CDH11: variants seen among roughly 807,000 people sequenced by gnomAD.
The protein encoded by CDH11 is cadherin-11.
Under a neutral mutation model 67.8 loss-of-function variants are expected in CDH11, and 11 were observed. That is an observed-to-expected ratio of 0.16 (90% CI 0.10 to 0.27). The LOEUF (loss-of-function observed/expected upper bound fraction) is 0.27, where lower values mean the gene tolerates loss of function less well. Ranked by LOEUF, CDH11 falls within the 10% of genes least tolerant of loss-of-function variation. The probability of loss-of-function intolerance (pLI) is 1.00; values close to 1 mark genes in which losing one functional copy is unlikely to be tolerated. For synonymous variants in CDH11, 419 were observed against 400.0 expected (o/e 1.05, Z -0.57); for missense variants, 847 against 1,031.2 (o/e 0.82, Z 2.45).
At chr16:65,054,193 A>G (rs1443522412) in intron 1 of CDH11, among the ~76,000 whole-genome samples, 2 of 152,184 alleles carry the variant, frequency 1.3e-5, no homozygotes, top group African/African-American at 4.8e-5. Context: ...CCTACACACA[A>G]CTTCTTATAA....
intron 11 of CDH11, among the ~76,000 whole-genome samples, chr16:64,952,681 C>T (rs887995357): frequency 7.2e-6 from 1 of 138,780 alleles, no homozygotes; most frequent in Non-Finnish European, 1.7e-5. Flanking sequence ...CATACACACA[C>T]ACACTCACAC....
chr16:65,092,880 A>T (rs1398698548), intron 1 of CDH11, among the ~76,000 whole-genome samples: 1 of 151,578 alleles, frequency 6.6e-6, no homozygotes, highest in East Asian at 1.9e-4. Context: ...TAGTGATGTG[A>T]TGTACTTTTT....
Position 64,991,965 on chromosome 16 carries a change from T to A in CDH11, c.644-30A>T, listed in dbSNP as rs764248850. The A allele has an allele frequency of 5.3e-6, 8 of 1,514,438 alleles. No individual in the cohort carries two copies. In the South Asian group the frequency reaches 9.8e-5, roughly 18 times the overall value. The allele number at this position is 1,514,438 out of a possible 1,614,324, so 93.8% of individuals were successfully genotyped here. ...ACAGGTAAGCAGGCAACATCACAGA[T>A]ATTCGTTTATAACATTATGACAACA... On this transcript the variant is annotated intron_variant, in intron 5 of 12. Coordinates refer to ENST00000268603, the MANE Select transcript of CDH11 (RefSeq NM_001797.4).
At chr16:65,109,147 G>A (rs868526346) in intron 1 of CDH11, among the ~76,000 whole-genome samples, 7 of 149,964 alleles carry the variant, frequency 4.7e-5, no homozygotes, top group South Asian at 2.1e-4. Flanking sequence ...ACTCTGTTTC[G>A]AAAAAAAAAG....
At chr16:65,008,553 C>A (rs1027380718) in intron 2 of CDH11, among the ~76,000 whole-genome samples, 1 of 152,122 alleles carries the variant, frequency 6.6e-6, no homozygotes, top group Non-Finnish European at 1.5e-5. Context: ...TCTATAACAA[C>A]CTTATGAATA....
chr16:64,988,196 C>T lies in CDH11; in HGVS notation c.960G>A (p.Thr320=), dbSNP rs202231319. Residue 320 remains threonine (T), a synonymous_variant, in exon 7 of 13, where the codon ACG becomes ACA. Coordinates refer to ENST00000268603, the MANE Select transcript of CDH11 (RefSeq NM_001797.4). ...GDGMESFEIT[T]DYETQEGVIK... is the part of the protein sequence containing the mutation. ...TCACCCCCTCCTGTGTTTCATAGTCCGTTGTGATTTCAAACGATTCCATAC... is the reference window on the plus strand; with the variant it reads ...TCACCCCCTCCTGTGTTTCATAGTCTGTTGTGATTTCAAACGATTCCATAC... 6.3e-5 allele frequency: 101 copies of T among 1,612,568 alleles called. No individual in the cohort carries two copies. Among genetic ancestry groups the T allele is most frequent in the East Asian group, 3.3e-4 (15 of 44,828 alleles).
intron 11 of CDH11, among the ~76,000 whole-genome samples, chr16:64,965,846 AG>A (rs1275012888): frequency 6.6e-6 from 1 of 151,766 alleles, no homozygotes; most frequent in Non-Finnish European, 1.5e-5. Context: ...AATAAGTGAC[AG>A]CAATGATATA....
chr16:64,997,125 C>T (rs551102389), intron 4 of CDH11, among the ~76,000 whole-genome samples: 14 of 151,768 alleles, frequency 9.2e-5, no homozygotes, highest in African/African-American at 3.1e-4. Context: ...ATGTGAAACC[C>T]CGTCCGTAAT....
intron 1 of CDH11, among the ~76,000 whole-genome samples, chr16:65,078,639 A>AT (rs1251657298): frequency 6.6e-6 from 1 of 152,134 alleles, no homozygotes; most frequent in Non-Finnish European, 1.5e-5. Flanking sequence ...TCTAATAGAC[A>AT]TTTTTTTGAT....
intron 4 of CDH11, among the ~76,000 whole-genome samples, chr16:64,993,637 A>G (rs978988877): frequency 6.6e-6 from 1 of 152,218 alleles, no homozygotes; most frequent in African/African-American, 2.4e-5. Context: ...GCCATATAAC[A>G]GAAATCACCA....
At chr16:65,027,673 T>C (rs2073561446) in intron 2 of CDH11, among the ~76,000 whole-genome samples, 1 of 152,224 alleles carries the variant, frequency 6.6e-6, no homozygotes, top group East Asian at 1.9e-4. Flanking sequence ...CCCTTGTATC[T>C]CCAGGATGGC....
chr16:65,004,576 T>G (rs1446648039), intron 3 of CDH11, 66 bp downstream of exon 3: 1 of 1,507,130 alleles, frequency 6.6e-7, no homozygotes, highest in Non-Finnish European at 8.9e-7. Context: ...TTTGCTTCTT[T>G]CTGGCCACAG....
rs142955955 is a variant in CDH11, at chr16:64,977,285, C to G, written c.1254-4245G>C. On this transcript the variant is annotated intron_variant, in intron 8 of 12. Coordinates refer to ENST00000268603, the MANE Select transcript of CDH11 (RefSeq NM_001797.4). ...AAAGACCCAAGTAGGTGGGAGTGGG[C>G]GGTTGGTTCAAGTGTGGTATTGAGC... Among the ~76,000 whole-genome samples the G allele has an allele frequency of 2.2e-3, 342 of 152,214 alleles. 3 individuals carry two copies. Among genetic ancestry groups the G allele is most frequent in the African/African-American group, 7.6e-3 (314 of 41,526 alleles).
chr16:65,109,969 C>T (rs995396692), intron 1 of CDH11, among the ~76,000 whole-genome samples: 1 of 152,132 alleles, frequency 6.6e-6, no homozygotes, highest in Non-Finnish European at 1.5e-5. Flanking sequence ...GCAGCCTCGA[C>T]CTCTCCGGCT....
chr16:65,065,109 G>A (rs914062231), intron 1 of CDH11, among the ~76,000 whole-genome samples: 1 of 152,214 alleles, frequency 6.6e-6, no homozygotes, highest in Non-Finnish European at 1.5e-5. Flanking sequence ...TCCAAGGACA[G>A]AGAAGGAATT....
At chr16:64,972,802 C>CA (rs1225715562) in intron 9 of CDH11, 102 bp downstream of exon 9, 1 of 1,254,124 alleles carries the variant, frequency 8.0e-7, no homozygotes, top group South Asian at 1.4e-5. Context: ...TGTTTAAGAC[C>CA]AAAAAAGTTA....
intron 2 of CDH11, among the ~76,000 whole-genome samples, chr16:65,022,196 GA>G (rs1227088926): frequency 6.6e-6 from 1 of 151,656 alleles, no homozygotes; most frequent in Non-Finnish European, 1.5e-5. Context: ...ACATATTTTA[GA>G]ATTGATAGCC....
In CDH11 at chr16:64,973,008, C is replaced by A. The variant is rs747616487; in HGVS notation, c.1286G>T (p.Arg429Ile). Residue 429 changes from arginine (R) to isoleucine (I), a missense_variant, in exon 9 of 13, where the codon AGA becomes ATA. Coordinates refer to ENST00000268603, the MANE Select transcript of CDH11 (RefSeq NM_001797.4). ...ATCCTCTGGATTAATAGTGAAAAAT[C>A]TGTCGAGGTCAGTGTGACGATCGAT... ...YSIDRHTDLDRFFTINPEDGF... is the reference protein window; with the variant it reads ...YSIDRHTDLDIFFTINPEDGF... 1 of 1,613,736 alleles carries A rather than the reference C, an allele frequency of 6.2e-7. No homozygotes were observed. Among genetic ancestry groups the A allele is most frequent in the East Asian group, 2.2e-5 (1 of 44,848 alleles).
At chr16:65,013,651 A>G (rs977825796) in intron 2 of CDH11, among the ~76,000 whole-genome samples, 2 of 152,000 alleles carry the variant, frequency 1.3e-5, no homozygotes, top group African/African-American at 2.4e-5. Context: ...GGTGAAACCC[A>G]GTTTCTACTA....
Sources: allele counts gnomAD v4.1 joint callset (sites outside exome capture counted in the v4.1 genomes callset), GRCh38; gene constraint gnomAD v4.1.1; transcripts MANE v1.5; gene names NCBI Gene and HGNC (gene_info 2026-07-23, HGNC 2026-07-21).